CPNE3: variants seen among roughly 807,000 people sequenced by gnomAD.
CPNE3 encodes copine 3.
Under a neutral mutation model 63.9 loss-of-function variants are expected in CPNE3, and 68 were observed. The observed-to-expected ratio is 1.06, with a 90% CI of 0.87 to 1.30. The LOEUF is 1.30. Among genes scored for constraint, CPNE3 ranks in the 50% most tolerant of loss-of-function variants. CPNE3 has a pLI of 0.00. For missense variants in CPNE3, 665 were observed against 578.1 expected (o/e 1.15, Z -1.54); for synonymous variants, 219 against 197.5 (o/e 1.11, Z -0.91).
intron 11 of CPNE3, among the ~76,000 whole-genome samples, 186 bp downstream of exon 11, chr8:86,547,956 C>G (rs2131485274): frequency 6.6e-6 from 1 of 152,298 alleles, no homozygotes; most frequent in Admixed American, 6.5e-5. Flanking sequence ...AGATCTCTTC[C>G]TCCTGAGAGA....
chr8:86,527,326 G>A (rs980169636), intron 2 of CPNE3, among the ~76,000 whole-genome samples: 5 of 152,112 alleles, frequency 3.3e-5, no homozygotes, highest in Admixed American at 2.6e-4. Context: ...GACACCTGCA[G>A]CCCCTTTCAT....
At chr8:86,536,073 T>G (rs962798444) in intron 6 of CPNE3, among the ~76,000 whole-genome samples, 2 of 152,048 alleles carry the variant, frequency 1.3e-5, no homozygotes, top group African/African-American at 4.8e-5. Flanking sequence ...AACAAGGTAC[T>G]TAAGAAATTT....
At chr8:86,534,379 G>A (rs933880426) in intron 6 of CPNE3, among the ~76,000 whole-genome samples, 13 of 152,138 alleles carry the variant, frequency 8.5e-5, no homozygotes, top group Admixed American at 3.3e-4. Context: ...CTGTAGGCCC[G>A]GTGTGGTGGC....
chr8:86,551,726 G>T (rs1039655821), intron 14 of CPNE3, among the ~76,000 whole-genome samples: 2 of 152,124 alleles, frequency 1.3e-5, no homozygotes, highest in Non-Finnish European at 2.9e-5. Context: ...TAAGTAGCTG[G>T]GATGGGCAAA....
chr8:86,548,400 T>C lies in CPNE3; in HGVS notation c.979T>C (p.Trp327Arg). ...NGVNEYLTALWSVGLVIQDYD... is the reference protein window; with the variant it reads ...NGVNEYLTALRSVGLVIQDYD... ...CGTTAATGAGTATTTGACTGCTCTC[T>C]GGTCTGTGGGACTGGTCATTCAAGA... Residue 327 changes from tryptophan to arginine, a missense_variant, in exon 12 of 17, where the codon TGG becomes CGG. By Grantham distance (101) the Trp-to-Arg change is moderately radical (BLOSUM62 -3). Coordinates refer to ENST00000517490, the MANE Select transcript of CPNE3 (RefSeq NM_003909.5). 1.2e-6 allele frequency: 2 copies of C among 1,614,222 alleles called. No individual in the cohort carries two copies. Among genetic ancestry groups the C allele is most frequent in the Non-Finnish European group, 1.7e-6 (2 of 1,180,040 alleles).
chr8:86,517,932 G>T (rs2131416290), intron 2 of CPNE3, among the ~76,000 whole-genome samples: 1 of 152,294 alleles, frequency 6.6e-6, no homozygotes, highest in African/African-American at 2.4e-5. Flanking sequence ...AAAGGGATTT[G>T]CCCTAATTAA....
At chr8:86,537,029 G>A (rs969553903) in intron 6 of CPNE3, among the ~76,000 whole-genome samples, 1 of 152,176 alleles carries the variant, frequency 6.6e-6, no homozygotes, top group Non-Finnish European at 1.5e-5. Context: ...TGTATGTAAA[G>A]AAATGTGTGG....
intron 2 of CPNE3, among the ~76,000 whole-genome samples, chr8:86,521,356 C>T (rs538270470): frequency 4.6e-5 from 7 of 152,124 alleles, no homozygotes; most frequent in Admixed American, 6.6e-5. Context: ...ATTCTGGTTA[C>T]GTTTGTTTAA....
chr8:86,557,861 A>G (rs1821355624), intron 16 of CPNE3, among the ~76,000 whole-genome samples: 1 of 152,200 alleles, frequency 6.6e-6, no homozygotes, highest in African/African-American at 2.4e-5. Flanking sequence ...ATACTGTACT[A>G]TAGTTATGCA....
At chr8:86,518,605 CT>C (rs1820365686) in intron 2 of CPNE3, among the ~76,000 whole-genome samples, 1 of 152,298 alleles carries the variant, frequency 6.6e-6, no homozygotes, top group East Asian at 1.9e-4. Context: ...GACATCACCA[CT>C]GCTTCTTTTT....
At chr8:86,552,593 A>C (rs1821206369) in intron 14 of CPNE3, among the ~76,000 whole-genome samples, 1 of 152,030 alleles carries the variant, frequency 6.6e-6, no homozygotes, top group African/African-American at 2.4e-5. Flanking sequence ...TACACTCTGG[A>C]AAAAGCATCA....
At chr8:86,540,874 A>G (rs1277167588) in intron 8 of CPNE3, among the ~76,000 whole-genome samples, 1 of 152,216 alleles carries the variant, frequency 6.6e-6, no homozygotes, top group Admixed American at 6.5e-5. Context: ...AGCAAATAGC[A>G]GATGTCAGTA....
chr8:86,535,310 A>G (rs1820778491), intron 6 of CPNE3, among the ~76,000 whole-genome samples: 1 of 148,454 alleles, frequency 6.7e-6, no homozygotes, highest in African/African-American at 2.4e-5. Context: ...GTGGACAGAT[A>G]CAGAAAAGAC....
chr8:86,548,562 G>A (rs541850804), intron 12 of CPNE3, 128 bp downstream of exon 12: 237 of 1,144,484 alleles, frequency 2.1e-4, no homozygotes, highest in South Asian at 3.2e-4. Context: ...AAATCCCCCC[G>A]TCTTATCTTC....
intron 5 of CPNE3, 129 bp from the exon 6 acceptor site, chr8:86,532,380 T>C (rs1820702214): frequency 1.7e-6 from 1 of 588,174 alleles, no homozygotes; most frequent in Non-Finnish European, 2.8e-6. Context: ...TGCCATTTTC[T>C]TATGAAACAT....
intron 16 of CPNE3, among the ~76,000 whole-genome samples, chr8:86,557,482 A>G (rs62510848): frequency 0.29 from 44,281 of 152,132 alleles, 7,986 homozygotes; most frequent in Non-Finnish European, 0.41. Flanking sequence ...CCTCTGGGAT[A>G]AATACCTAGG....
At chr8:86,546,114 G>A (rs887964672) in intron 9 of CPNE3, among the ~76,000 whole-genome samples, 2 of 152,008 alleles carry the variant, frequency 1.3e-5, no homozygotes, top group Non-Finnish European at 2.9e-5. Flanking sequence ...GAAGATCTTT[G>A]ATGCATATTT....
At chr8:86,528,803 C>T (rs1271200817) in intron 3 of CPNE3, 126 bp downstream of exon 3, 11 of 1,364,176 alleles carry the variant, frequency 8.1e-6, no homozygotes, top group Non-Finnish European at 1.1e-5. Flanking sequence ...GAAAGTTTGT[C>T]CTTGATTGTA....
rs770711166 is a variant in CPNE3 at position 86,540,346 on chromosome 8, TTA to T, written c.633+23_633+24del. On this transcript the variant is annotated intron_variant, in intron 8 of 16. Transcript: ENST00000517490. ...ACAAAACCATTAAGGTAAGTTGAAA[TTA>T]TATATATATAAAATACTTAAATATA... 2.1e-5 allele frequency: 28 copies of T among 1,318,240 alleles called. No homozygotes were observed. Among genetic ancestry groups the T allele is most frequent in the South Asian group, 4.8e-5 (3 of 61,856 alleles). 81.7% of individuals were successfully genotyped at this position (1,318,240 alleles called of 1,614,324 possible).
Sources: gnomAD v4.1 joint callset for allele counts (sites outside exome capture counted in the v4.1 genomes callset) on GRCh38, gnomAD v4.1.1 for gene constraint, MANE v1.5 for transcripts, NCBI Gene and HGNC (gene_info 2026-07-23, HGNC 2026-07-21) for gene names.